MIPEP: variants seen among roughly 807,000 people sequenced by gnomAD.
The protein encoded by MIPEP is mitochondrial intermediate peptidase.
A neutral mutation model predicts 90.3 loss-of-function variants in MIPEP; 79 were observed. That is an observed-to-expected ratio of 0.87 (90% CI 0.73 to 1.05). The LOEUF (loss-of-function observed/expected upper bound fraction) is 1.05. Ranked by LOEUF, MIPEP falls within the 50% of genes least tolerant of loss-of-function variation. The probability of loss-of-function intolerance (pLI) is 0.00; values close to 1 mark genes in which losing one functional copy is unlikely to be tolerated. For synonymous variants in MIPEP, 334 were observed against 315.8 expected, an observed-to-expected ratio of 1.06 and a Z score of -0.61; for missense variants, 940 against 905.6, an observed-to-expected ratio of 1.04 and a Z score of -0.49.
At chr13:23,832,281 CAG>C (rs1036602033) in intron 14 of MIPEP, among the ~76,000 whole-genome samples, 2 of 152,164 alleles carry the variant, frequency 1.3e-5, no homozygotes, top group African/African-American at 4.8e-5. Flanking sequence ...TGGGACTCTG[CAG>C]AGTCCCCACC....
intron 16 of MIPEP, among the ~76,000 whole-genome samples, chr13:23,804,066 C>A (rs1348378554): frequency 6.6e-6 from 1 of 152,150 alleles, no homozygotes; most frequent in Non-Finnish European, 1.5e-5. Flanking sequence ...CATCACCCTT[C>A]CTTTCAAATT....
chr13:23,788,140 C>T (rs937336916), intron 16 of MIPEP, among the ~76,000 whole-genome samples: 2 of 152,214 alleles, frequency 1.3e-5, no homozygotes, highest in African/African-American at 4.8e-5. Flanking sequence ...CCTTAATCCA[C>T]GTGTGTGATC....
rs528356502 is a variant in MIPEP at position 23,734,857 on chromosome 13, G to C, written c.2045-4412C>G. Among the ~76,000 whole-genome samples the C allele has an allele frequency of 1.2e-3, 188 of 152,302 alleles. 1 individual carries two copies. The highest frequency in any genetic ancestry group is 6.8e-3 in the Middle Eastern group (2 of 294). On this transcript the variant is annotated intron_variant, in intron 18 of 18. Transcript: ENST00000382172. ...TGATAAATTATTTTAGGCAGATAGA[G>C]AGGAAAAGGGGTCCTTAGGAAGTTT...
intron 12 of MIPEP, among the ~76,000 whole-genome samples, chr13:23,838,961 T>C (rs563343527): frequency 6.6e-6 from 1 of 152,374 alleles, no homozygotes; most frequent in Admixed American, 6.5e-5. Context: ...GCTTTGGAAA[T>C]TGTGAATCAC....
rs549297173 is a variant in MIPEP, at chr13:23,786,563, A to C, written c.1848+19387T>G. On this transcript the variant is annotated intron_variant, in intron 16 of 18. Coordinates refer to ENST00000382172, the MANE Select transcript of MIPEP (RefSeq NM_005932.4). ...GATAAATGATTAACATTTTCATAAA[A>C]ATCAATAGCAAAAGAAAGATCAACA... is the stretch of plus-strand genomic sequence containing the variant. Among the ~76,000 whole-genome samples the C allele has an allele frequency of 2.7e-3, 414 of 152,318 alleles. 4 individuals are homozygous for C. Among genetic ancestry groups the C allele is most frequent in the African/African-American group, 9.7e-3 (405 of 41,570 alleles).
chr13:23,875,027 AACACACAC>A (rs10595689), intron 4 of MIPEP, 118 bp from the exon 5 acceptor site: 1,865 of 397,946 alleles, frequency 4.7e-3, no homozygotes, highest in East Asian at 0.018. Context: ...GTTTCTTCAA[AACACACAC>A]ACACACACAC....
At chr13:23,828,557 T>A (rs568469554) in intron 14 of MIPEP, among the ~76,000 whole-genome samples, 2 of 152,192 alleles carry the variant, frequency 1.3e-5, no homozygotes, top group Admixed American at 1.3e-4. Context: ...TGAATATATA[T>A]ACTGCTTATA....
chr13:23,879,201 AG>A, intron 4 of MIPEP, 66 bp downstream of exon 4: 2 of 912,090 alleles, frequency 2.2e-6, no homozygotes, highest in Non-Finnish European at 3.6e-6. Context: ...AGAGGCCCTG[AG>A]GGAGAGTCTC....
At chr13:23,735,893 C>T (rs1333421740) in intron 18 of MIPEP, among the ~76,000 whole-genome samples, 2 of 149,698 alleles carry the variant, frequency 1.3e-5, no homozygotes, top group East Asian at 1.9e-4. Context: ...AAACCCTACA[C>T]AGAAAATTTA....
At chr13:23,863,439 A>G (rs893665063) in intron 8 of MIPEP, among the ~76,000 whole-genome samples, 2 of 152,232 alleles carry the variant, frequency 1.3e-5, no homozygotes, top group African/African-American at 2.4e-5. Context: ...GATAGGTTGC[A>G]GCCAAAACTT....
At chr13:23,759,746 G>A (rs907637504) in intron 17 of MIPEP, among the ~76,000 whole-genome samples, 71 of 152,150 alleles carry the variant, frequency 4.7e-4, no homozygotes, top group African/African-American at 1.6e-3. Flanking sequence ...TGGGCATCCC[G>A]TATCACGTGG....
chr13:23,876,284 TG>T (rs952553724), intron 4 of MIPEP, among the ~76,000 whole-genome samples: 1 of 152,218 alleles, frequency 6.6e-6, no homozygotes, highest in Non-Finnish European at 1.5e-5. Flanking sequence ...TTAATGGTGG[TG>T]GGTCTCATGC....
At position 23,889,234 on chromosome 13, in the gene MIPEP, G is replaced by A. The variant is rs1208943376; in HGVS notation, c.87C>T (p.Ala29=). 1.4e-6 allele frequency: 2 copies of A among 1,406,120 alleles called. No homozygotes were observed. The highest frequency in any genetic ancestry group is 9.2e-7 in the Non-Finnish European group (1 of 1,082,088). 87.1% of individuals were successfully genotyped at this position (1,406,120 alleles called of 1,614,324 possible). Residue 29 remains alanine, a synonymous_variant, in exon 1 of 19, where the codon GCC becomes GCT. Coordinates refer to ENST00000382172, the MANE Select transcript of MIPEP (RefSeq NM_005932.4). The part of the protein sequence containing the change: ...PRRAGRGSLE[A]GIRARRVSTS... Reference sequence around the variant, plus strand: ...TGCTGACCCTTCGGGCCCGGATCCCGGCTTCGAGGCTTCCCCGGCCCGCCC... The same window carrying A: ...TGCTGACCCTTCGGGCCCGGATCCCAGCTTCGAGGCTTCCCCGGCCCGCCC...
chr13:23,833,893 G>A (rs1240440202), intron 14 of MIPEP, among the ~76,000 whole-genome samples: 1 of 152,018 alleles, frequency 6.6e-6, no homozygotes, highest in African/African-American at 2.4e-5. Flanking sequence ...CGAAACCTCA[G>A]ACTCCTCAAA....
chr13:23,886,861 G>A (rs1348468264), intron 1 of MIPEP, among the ~76,000 whole-genome samples: 2 of 151,714 alleles, frequency 1.3e-5, no homozygotes. Flanking sequence ...ATAAAGCAGT[G>A]TTTGGCACAG....
At chr13:23,778,398 T>G (rs553431564) in intron 16 of MIPEP, among the ~76,000 whole-genome samples, 36 of 152,290 alleles carry the variant, frequency 2.4e-4, no homozygotes, top group African/African-American at 8.2e-4. Flanking sequence ...AGCACATTAA[T>G]AATCACATAT....
At chr13:23,794,149 G>A (rs1214789219) in intron 16 of MIPEP, among the ~76,000 whole-genome samples, 1 of 151,880 alleles carries the variant, frequency 6.6e-6, no homozygotes, top group Non-Finnish European at 1.5e-5. Context: ...AGAGGAGGAA[G>A]TGACTGAGAA....
chr13:23,783,151 C>T (rs1202517293), intron 16 of MIPEP, among the ~76,000 whole-genome samples: 3 of 152,040 alleles, frequency 2.0e-5, no homozygotes, highest in African/African-American at 4.8e-5. Flanking sequence ...GAGACACAAC[C>T]GAAAAAGAGA....
At chr13:23,778,410 G>A (rs747744431) in intron 16 of MIPEP, among the ~76,000 whole-genome samples, 46 of 152,184 alleles carry the variant, frequency 3.0e-4, no homozygotes, top group Non-Finnish European at 5.4e-4. Flanking sequence ...ATCACATATG[G>A]TCATGGAAGG....
Sources: gnomAD v4.1 joint callset for allele counts (sites outside exome capture counted in the v4.1 genomes callset) on GRCh38, gnomAD v4.1.1 for gene constraint, MANE v1.5 for transcripts, NCBI Gene and HGNC (gene_info 2026-07-23, HGNC 2026-07-21) for gene names.